The following CDH22 variants were observed in gnomAD, a reference collection of about 807,000 sequenced individuals.
CDH22 encodes cadherin-22.
A neutral mutation model predicts 58.4 loss-of-function variants in CDH22; 30 were observed. The observed-to-expected ratio is 0.51, with a 90% CI of 0.38 to 0.70. The LOEUF (loss-of-function observed/expected upper bound fraction) is 0.70, where lower values mean the gene tolerates loss of function less well. Among genes scored for constraint, CDH22 ranks in the 30% least tolerant of loss-of-function variants. The pLI is 0.00. For missense variants in CDH22, 1,014 were observed against 1,233.9 expected, an observed-to-expected ratio of 0.82 and a Z score of 2.67; for synonymous variants, 513 against 558.2, an observed-to-expected ratio of 0.92 and a Z score of 1.14.
At chr20:46,291,890 G>A (rs1302598566) in intron 1 of CDH22, among the ~76,000 whole-genome samples, 1 of 152,222 alleles carries the variant, frequency 6.6e-6, no homozygotes, top group Non-Finnish European at 1.5e-5. Flanking sequence ...TGCAGGGTAG[G>A]ATGGCTGGCC....
rs988986219 is a variant in CDH22 at position 46,228,578 on chromosome 20, G to A, written c.551-951C>T. Among the ~76,000 whole-genome samples the A allele has an allele frequency of 2.7e-4, 41 of 152,050 alleles. 2 individuals carry two copies. On this transcript the variant is annotated intron_variant, in intron 3 of 11. Transcript: ENST00000537909. ...GGGGGTGGGGGTAAGGGTGGGGGAG[G>A]GTCAGGTGGAGGGGCCAACAAAGCC...
chr20:46,255,005 T>G (rs1440081601), intron 1 of CDH22, among the ~76,000 whole-genome samples: 1 of 152,084 alleles, frequency 6.6e-6, no homozygotes, highest in Non-Finnish European at 1.5e-5. Flanking sequence ...AGATCCCAAC[T>G]TTATATATTT....
intron 11 of CDH22, 36 bp from the exon 12 acceptor site, chr20:46,175,113 GC>G: frequency 6.4e-7 from 1 of 1,561,216 alleles, no homozygotes. Flanking sequence ...TGAGGGCCAA[GC>G]CCCTCCCAGG....
At chr20:46,199,096 C>T (rs1029594674) in intron 8 of CDH22, among the ~76,000 whole-genome samples, 7 of 152,200 alleles carry the variant, frequency 4.6e-5, no homozygotes, top group Non-Finnish European at 7.3e-5. Context: ...AGGGCTTGCA[C>T]GTAGCAGATG....
chr20:46,266,213 G>A (rs989303728), intron 1 of CDH22, among the ~76,000 whole-genome samples: 1 of 152,186 alleles, frequency 6.6e-6, no homozygotes, highest in Non-Finnish European at 1.5e-5. Flanking sequence ...AGCAGCCTTG[G>A]GGAGAAGGCC....
rs571678154 is a variant in CDH22, at chr20:46,300,991, G to A, written c.-400+7264C>T. Among the ~76,000 whole-genome samples, 2 of 152,178 alleles carry A rather than the reference G, an allele frequency of 1.3e-5. No individual in the cohort carries two copies. The highest frequency in any genetic ancestry group is 6.5e-5 in the Admixed American group (1 of 15,292). ...ATGATGATGTAGATGTATATTTATC[G>A]AAATGGCAAGACATTCACAATATAT... On this transcript the variant is annotated intron_variant, in intron 1 of 11. Transcript: ENST00000537909. This position sits in a 1 kb window ranked among gnomAD's most constrained non-coding sequence, Gnocchi z 4.4.
intron 4 of CDH22, among the ~76,000 whole-genome samples, chr20:46,225,088 T>C (rs1373650907): frequency 6.6e-6 from 1 of 152,156 alleles, no homozygotes; most frequent in African/African-American, 2.4e-5. Context: ...ACCTGCACTG[T>C]AGGTGAGGAG....
chr20:46,291,904 T>C (rs1402263725), intron 1 of CDH22, among the ~76,000 whole-genome samples: 2 of 152,230 alleles, frequency 1.3e-5, no homozygotes, highest in African/African-American at 4.8e-5. Context: ...GCTGGCCGTA[T>C]TCTTGGCCTC....
In CDH22 at chr20:46,187,199, C is replaced by A. The variant is rs142795778; in HGVS notation, c.1424-252G>T. ...ACTACAACGCTTGCCACCACAATCACCAGTAGCACCCACTGCCATCACCAA... is the reference window on the plus strand; with the variant it reads ...ACTACAACGCTTGCCACCACAATCAACAGTAGCACCCACTGCCATCACCAA... On this transcript the variant is annotated intron_variant, in intron 8 of 11. Coordinates refer to ENST00000537909, the MANE Select transcript of CDH22 (RefSeq NM_021248.3). Among the ~76,000 whole-genome samples the A allele has an allele frequency of 4.0e-3, 616 of 152,170 alleles. 8 individuals are homozygous for A. The highest frequency in any genetic ancestry group is 3.0e-3 in the Non-Finnish European group (203 of 67,982).
chr20:46,189,370 G>A (rs1415500566), intron 8 of CDH22, among the ~76,000 whole-genome samples: 1 of 152,150 alleles, frequency 6.6e-6, no homozygotes, highest in Non-Finnish European at 1.5e-5. Context: ...GAAGAGGGGG[G>A]TGAGGCCCAC....
chr20:46,184,189 C>T (rs2085808969), intron 10 of CDH22, among the ~76,000 whole-genome samples: 1 of 151,952 alleles, frequency 6.6e-6, no homozygotes, highest in Admixed American at 6.6e-5. Context: ...ACCTCCGCCT[C>T]CTGGGTTCAA....
At chr20:46,280,558 CT>C (rs1158262356) in intron 1 of CDH22, among the ~76,000 whole-genome samples, 1 of 152,224 alleles carries the variant, frequency 6.6e-6, no homozygotes, top group Non-Finnish European at 1.5e-5. Flanking sequence ...ACAGTCCCAT[CT>C]GAACCGGCCC....
At chr20:46,181,759 C>A (rs1016930063) in intron 10 of CDH22, among the ~76,000 whole-genome samples, 1 of 116,548 alleles carries the variant, frequency 8.6e-6, no homozygotes, top group African/African-American at 3.3e-5. Flanking sequence ...TTCCTTCTTT[C>A]TTTCTTTCTT....
intron 6 of CDH22, among the ~76,000 whole-genome samples, chr20:46,212,740 G>T (rs547155187): frequency 6.6e-6 from 1 of 152,304 alleles, no homozygotes; most frequent in South Asian, 2.1e-4. Flanking sequence ...GTGTTTGAGG[G>T]TGTGGATTCC....
intron 8 of CDH22, among the ~76,000 whole-genome samples, chr20:46,197,481 G>T (rs1426012497): frequency 6.6e-6 from 1 of 152,156 alleles, no homozygotes; most frequent in African/African-American, 2.4e-5. Flanking sequence ...GGAGATTGTT[G>T]CTGGTGGTGG....
At chr20:46,229,185 C>A (rs962257771) in intron 3 of CDH22, among the ~76,000 whole-genome samples, 7 of 152,094 alleles carry the variant, frequency 4.6e-5, no homozygotes. Flanking sequence ...GTGCCTCTTG[C>A]TGGACTGGAA....
rs757594381 is a variant in CDH22, at chr20:46,241,204, G to A, written c.309C>T (p.Gly103=). 3.6e-5 allele frequency: 58 copies of A among 1,613,596 alleles called. No individual in the cohort carries two copies. In the East Asian group the frequency reaches 3.8e-4, roughly 11 times the overall value. Residue 103 remains glycine, a synonymous_variant, in exon 3 of 12, where the codon GGC becomes GGT. Transcript: ENST00000537909. The surrounding 1 kb of genome is among the most constrained non-coding windows in gnomAD (Gnocchi z 5.2). The stretch of plus-strand genomic sequence containing the variant: ...TCAGGAAGATGGTCCCAGCACCCTC[G>A]CCTGAGATGGTGTACTTGATGGCCC... ...GDGAIKYTIS[G]EGAGTIFLID...
At chr20:46,175,793 T>G (rs1382204668) in intron 11 of CDH22, among the ~76,000 whole-genome samples, 1 of 152,182 alleles carries the variant, frequency 6.6e-6, no homozygotes, top group Non-Finnish European at 1.5e-5. Flanking sequence ...TAACAAGACC[T>G]GCAGACCTGA....
chr20:46,212,948 C>T, intron 6 of CDH22, 47 bp downstream of exon 6: 1 of 1,540,996 alleles, frequency 6.5e-7, no homozygotes, highest in South Asian at 1.1e-5. Context: ...CCCTGATCCT[C>T]CCACCCCTGA....
Sources: gnomAD v4.1 joint callset for allele counts (sites outside exome capture counted in the v4.1 genomes callset) on GRCh38, gnomAD v4.1.1 for gene constraint, Gnocchi (gnomAD v3.1) non-coding constraint, MANE v1.5 for transcripts, NCBI Gene and HGNC (gene_info 2026-07-23, HGNC 2026-07-21) for gene names.